FRMPD1: variants seen among roughly 807,000 people sequenced by gnomAD.
FRMPD1 encodes the protein FERM and PDZ domain containing 1, also known as FERM and PDZ domain-containing protein 1.
A neutral mutation model predicts 117.8 loss-of-function variants in FRMPD1; 76 were observed. The ratio of observed to expected loss-of-function variants is 0.65; its 90% CI spans 0.54 to 0.78. The LOEUF is 0.78. Among genes scored for constraint, FRMPD1 ranks in the 30% least tolerant of loss-of-function variants. The pLI is 0.00. For missense variants in FRMPD1, 1,786 were observed against 1,964.5 expected (o/e 0.91, Z 1.72); for synonymous variants, 783 against 770.4 (o/e 1.02, Z -0.27).
the FRMPD1 span, among the ~76,000 whole-genome samples, chr9:37,606,119 G>T: frequency 6.6e-6 from 1 of 152,206 alleles, no homozygotes; most frequent in Non-Finnish European, 1.5e-5. Context: ...AGGGGCTAAG[G>T]TTATGGCAGG....
rs1439640162 is a variant in FRMPD1 at position 37,655,724 on chromosome 9, C to T, written c.-5+4630C>T. 3.3e-5 allele frequency among the ~76,000 whole-genome samples: 5 copies of T among 151,828 alleles called. No individual in the cohort carries two copies. The East Asian group carries it at 7.7e-4, about 23-fold the overall frequency. ...TTCACCATATTGACCAGGCTGGTCTCGAACTCCTGACCTTGTGATCCACCC... is the reference window on the plus strand; with the variant it reads ...TTCACCATATTGACCAGGCTGGTCTTGAACTCCTGACCTTGTGATCCACCC... On this transcript the variant is annotated intron_variant, in intron 1 of 15. Coordinates refer to ENST00000377765, the MANE Select transcript of FRMPD1 (RefSeq NM_014907.3).
chr9:37,652,660 T>C (rs1820713574), intron 1 of FRMPD1, among the ~76,000 whole-genome samples: 1 of 152,236 alleles, frequency 6.6e-6, no homozygotes, highest in Non-Finnish European at 1.5e-5. Context: ...AGCTAATTTG[T>C]CCAGAGCCTT....
intron 1 of FRMPD1, among the ~76,000 whole-genome samples, chr9:37,654,812 C>G (rs926223206): frequency 3.9e-5 from 6 of 152,172 alleles, no homozygotes; most frequent in African/African-American, 1.4e-4. Context: ...GGCTCTCTGC[C>G]CCTTCAATAC....
chr9:37,697,042 T>C (rs1418098242), intron 2 of FRMPD1, among the ~76,000 whole-genome samples: 4 of 152,216 alleles, frequency 2.6e-5, no homozygotes, highest in Non-Finnish European at 5.9e-5. Flanking sequence ...TACTGAGGAA[T>C]AGTGTCAACT....
chr9:37,666,113 G>C (rs968097736), intron 1 of FRMPD1, among the ~76,000 whole-genome samples: 1 of 152,120 alleles, frequency 6.6e-6, no homozygotes, highest in Non-Finnish European at 1.5e-5. Flanking sequence ...CCTGGTCTCC[G>C]TGTGGGGCAG....
the FRMPD1 span, among the ~76,000 whole-genome samples, chr9:37,609,918 C>T: frequency 6.6e-6 from 1 of 152,174 alleles, no homozygotes; most frequent in Non-Finnish European, 1.5e-5. Context: ...GACTGCTTTC[C>T]CCAACACCCT....
chr9:37,720,386 C>G lies in FRMPD1; in HGVS notation c.516+1210C>G, dbSNP rs563103208. Among the ~76,000 whole-genome samples, 47 of 151,996 alleles carry G rather than the reference C, an allele frequency of 3.1e-4. No individual in the cohort carries two copies. In the South Asian group the frequency reaches 9.6e-3, roughly 31 times the overall value. ...TCGAGGTCAAGAGATCAAGACCGGC[C>G]GGGGGCGGTGGCTCACGCCTGTAAT... On this transcript the variant is annotated intron_variant, in intron 6 of 15. Coordinates refer to ENST00000377765, the MANE Select transcript of FRMPD1 (RefSeq NM_014907.3).
At chr9:37,728,490 C>T (rs755707817) in intron 7 of FRMPD1, among the ~76,000 whole-genome samples, 19 of 152,110 alleles carry the variant, frequency 1.2e-4, no homozygotes, top group Non-Finnish European at 1.8e-4. Context: ...ACAGCATGTG[C>T]GAATGCTTCG....
upstream of FRMPD1, among the ~76,000 whole-genome samples, chr9:37,648,499 C>T (rs1820572599): frequency 6.6e-6 from 1 of 152,240 alleles, no homozygotes. Context: ...AAAAAGATCA[C>T]TGGCAGTATG....
chr9:37,722,610 G>T (rs556792054), intron 6 of FRMPD1, among the ~76,000 whole-genome samples: 5 of 152,258 alleles, frequency 3.3e-5, no homozygotes, highest in African/African-American at 1.2e-4. Flanking sequence ...GTTTCACCAT[G>T]TGTAGGCTTT....
At chr9:37,668,665 T>G (rs1432063707) in intron 1 of FRMPD1, 3 of 152,244 alleles carry the variant, frequency 2.0e-5, no homozygotes, top group Non-Finnish European at 4.4e-5. Flanking sequence ...GGGGCTGTTT[T>G]GGTTCTTCTC....
rs779667486 is a variant in FRMPD1 at position 37,735,746 on chromosome 9, G to A, written c.1401+12G>A. The A allele has an allele frequency of 6.9e-6, 11 of 1,597,312 alleles. No homozygotes were observed. Among genetic ancestry groups the A allele is most frequent in the Non-Finnish European group, 9.4e-6 (11 of 1,166,242 alleles). On this transcript the variant is annotated intron_variant, in intron 13 of 15. Transcript: ENST00000377765. The stretch of plus-strand genomic sequence containing the variant: ...TTCAGGACGTCAAGGTAACACAATG[G>A]GGAGAGATTCTGAATTCAACTGCTG...
intron 15 of FRMPD1, among the ~76,000 whole-genome samples, chr9:37,743,748 C>T (rs1376282744): frequency 6.6e-6 from 1 of 151,216 alleles, no homozygotes; most frequent in African/African-American, 2.4e-5. Flanking sequence ...TAATGTCTAT[C>T]ACAGCTGGGT....
At chr9:37,722,953 C>T (rs1823462834) in intron 6 of FRMPD1, among the ~76,000 whole-genome samples, 1 of 152,262 alleles carries the variant, frequency 6.6e-6, no homozygotes, top group Middle Eastern at 3.4e-3. Flanking sequence ...TGCTCCATCC[C>T]AGGAGTTCTA....
intron 1 of FRMPD1, among the ~76,000 whole-genome samples, chr9:37,690,179 T>C (rs2118009803): frequency 6.6e-6 from 1 of 152,212 alleles, no homozygotes; most frequent in East Asian, 1.9e-4. Context: ...TTGTCTTTTA[T>C]GTTTTCTCTG....
chr9:37,668,869 G>C (rs1821255132), intron 1 of FRMPD1, among the ~76,000 whole-genome samples: 2 of 152,128 alleles, frequency 1.3e-5, no homozygotes, highest in Non-Finnish European at 1.5e-5. Flanking sequence ...TCAAAAGGCA[G>C]CATCCTTAAT....
the FRMPD1 span, among the ~76,000 whole-genome samples, chr9:37,622,487 G>A: frequency 6.6e-6 from 1 of 152,158 alleles, no homozygotes; most frequent in Non-Finnish European, 1.5e-5. Context: ...AAAACCAAAT[G>A]TTTAGTCCCT....
In FRMPD1 at chr9:37,681,266, C is replaced by T. The variant is rs137918121; in HGVS notation, c.-4-11372C>T. ...AAGAAAAAAGAAAATAAACAATTGG[C>T]TTTATCTCAGCTTCTTATGGCCACA... is the stretch of plus-strand genomic sequence containing the variant. On this transcript the variant is annotated intron_variant, in intron 1 of 15. Coordinates refer to ENST00000377765, the MANE Select transcript of FRMPD1 (RefSeq NM_014907.3). 1.8e-4 allele frequency among the ~76,000 whole-genome samples: 27 copies of T among 151,124 alleles called. No individual in the cohort carries two copies. In the East Asian group the frequency reaches 4.8e-3, roughly 27 times the overall value.
In FRMPD1 at chr9:37,652,620, T is replaced by A. The variant is rs116813336; in HGVS notation, c.-5+1526T>A. Among the ~76,000 whole-genome samples the A allele has an allele frequency of 3.5e-3, 533 of 152,342 alleles. 3 individuals carry two copies. Among genetic ancestry groups the A allele is most frequent in the African/African-American group, 0.012 (500 of 41,576 alleles). On this transcript the variant is annotated intron_variant, in intron 1 of 15. Coordinates refer to ENST00000377765, the MANE Select transcript of FRMPD1 (RefSeq NM_014907.3). ...AGAGCAGAGTTGTGGTACCTAAGTTTGTCTTTCCTGAATGAGACCCCATCC... is the reference window on the plus strand; with the variant it reads ...AGAGCAGAGTTGTGGTACCTAAGTTAGTCTTTCCTGAATGAGACCCCATCC...
Sources: allele counts gnomAD v4.1 joint callset (sites outside exome capture counted in the v4.1 genomes callset), GRCh38; gene constraint gnomAD v4.1.1; transcripts MANE v1.5; gene names NCBI Gene and HGNC (gene_info 2026-07-23, HGNC 2026-07-21).